The following EML6 variants were observed in gnomAD, a reference collection of about 807,000 sequenced individuals.
The protein encoded by EML6 is echinoderm microtubule-associated protein-like 6.
A neutral mutation model predicts 240.1 loss-of-function variants in EML6; 154 were observed. The ratio of observed to expected loss-of-function variants is 0.64; its 90% confidence interval spans 0.56 to 0.73. The LOEUF (loss-of-function observed/expected upper bound fraction) is 0.73. Ranked by LOEUF, EML6 falls within the 30% of genes least tolerant of loss-of-function variation. EML6 has a pLI of 0.00. For synonymous variants in EML6, 1,148 were observed against 899.0 expected (o/e 1.28, Z -4.95); for missense variants, 2,964 against 2,474.6 (o/e 1.20, Z -4.20).
At chr2:54,779,751 A>G (rs747011969) in intron 2 of EML6, among the ~76,000 whole-genome samples, 2 of 151,116 alleles carry the variant, frequency 1.3e-5, no homozygotes, top group Non-Finnish European at 2.9e-5. Context: ...AGTCACAGCT[A>G]CTTGGAAGGC....
intron 26 of EML6, among the ~76,000 whole-genome samples, chr2:54,925,419 C>CT (rs1207727870): frequency 6.6e-6 from 1 of 152,196 alleles, no homozygotes; most frequent in Non-Finnish European, 1.5e-5. Context: ...GCATTGAGTT[C>CT]TATGTCATCA....
At chr2:54,852,479 C>G (rs1670144907) in intron 10 of EML6, among the ~76,000 whole-genome samples, 1 of 152,108 alleles carries the variant, frequency 6.6e-6, no homozygotes, top group African/African-American at 2.4e-5. Context: ...TTTACTTCAT[C>G]ACTGTCTTAT....
intron 17 of EML6, chr2:54,882,873 AAG>A (rs1553406055): frequency 2.7e-5 from 3 of 112,358 alleles, no homozygotes; most frequent in African/African-American, 7.0e-5. Context: ...AAAAAAAAAA[AAG>A]AAAGCTTAGG....
chr2:54,952,711 G>T lies in EML6; in HGVS notation c.4312+19G>T. On this transcript the variant is annotated intron_variant, in intron 31 of 41. Coordinates refer to ENST00000356458, the MANE Select transcript of EML6 (RefSeq NM_001039753.4). ...CAGATAGGTAGGAGGTCCTGTGGCA[G>T]CTGAGGCTCTCCCAGCTTGCAGGGA... 6.6e-7 allele frequency: 1 copy of T among 1,515,810 alleles called. No individual in the cohort carries two copies. The allele number at this position is 1,515,810 out of a possible 1,614,324, so 93.9% of individuals were successfully genotyped here. A position where few individuals can be genotyped will look rare whatever the true frequency, so the allele number is the denominator to read the frequency against.
intron 2 of EML6, among the ~76,000 whole-genome samples, chr2:54,789,579 G>T (rs1260628664): frequency 2.7e-5 from 4 of 147,900 alleles, no homozygotes; most frequent in African/African-American, 9.9e-5. Flanking sequence ...AAGTAGACAT[G>T]GGTGGGACGT....
chr2:54,959,008 C>T (rs941000897), intron 33 of EML6, 96 bp from the exon 34 acceptor site: 3 of 1,171,250 alleles, frequency 2.6e-6, no homozygotes, highest in Non-Finnish European at 3.5e-6. Flanking sequence ...AGGCTGTCTG[C>T]ATCTCTAGCT....
At chr2:54,937,092 C>G (rs2104428746) in intron 28 of EML6, among the ~76,000 whole-genome samples, 1 of 151,022 alleles carries the variant, frequency 6.6e-6, no homozygotes, top group Non-Finnish European at 1.5e-5. Flanking sequence ...CGTGCCTGAC[C>G]AACGTGGAAA....
rs1437251446 is a variant in EML6, at chr2:54,813,399, TC to T, written c.357+9del. 6.5e-7 allele frequency: 1 copy of T among 1,549,150 alleles called. No individual in the cohort carries two copies. Among genetic ancestry groups the T allele is most frequent in the East Asian group, 2.4e-5 (1 of 40,908 alleles). On this transcript the variant is annotated intron_variant, in intron 3 of 41. Transcript: ENST00000356458. Reference sequence around the variant, plus strand: ...TTTGACTCAGATGGACAGGTGTGTATCTTTTTTTAGTTGTTTTATTTAATGA... The same window carrying T: ...TTTGACTCAGATGGACAGGTGTGTATTTTTTTTAGTTGTTTTATTTAATGA...
intron 29 of EML6, 51 bp from the exon 30 acceptor site, chr2:54,950,599 C>G: frequency 5.2e-6 from 8 of 1,544,698 alleles, no homozygotes; most frequent in Non-Finnish European, 7.0e-6. Context: ...TGTTCCTCGG[C>G]TCTCCCTTCC....
intron 2 of EML6, among the ~76,000 whole-genome samples, chr2:54,734,668 G>A (rs1683318151): frequency 6.6e-6 from 1 of 152,102 alleles, no homozygotes; most frequent in African/African-American, 2.4e-5. Flanking sequence ...TGGGGATGAG[G>A]GACAGCTGTT....
intron 2 of EML6, among the ~76,000 whole-genome samples, chr2:54,807,470 C>G (rs1488735170): frequency 6.6e-6 from 1 of 152,122 alleles, no homozygotes; most frequent in Non-Finnish European, 1.5e-5. Flanking sequence ...TCTCTTAAGT[C>G]TAGACAATCA....
At chr2:54,761,038 C>A (rs1354421159) in intron 2 of EML6, among the ~76,000 whole-genome samples, 1 of 152,066 alleles carries the variant, frequency 6.6e-6, no homozygotes, top group Admixed American at 6.6e-5. Context: ...AATCCCAAGG[C>A]ATTTGAGAAA....
At chr2:54,892,416 G>C (rs1672519401) in intron 18 of EML6, 38 bp from the exon 19 acceptor site, 4 of 1,453,660 alleles carry the variant, frequency 2.8e-6, no homozygotes, top group Non-Finnish European at 3.8e-6. Flanking sequence ...GGAAGTGCCA[G>C]ATTTTATAAA....
intron 2 of EML6, among the ~76,000 whole-genome samples, chr2:54,798,732 T>G (rs1669953055): frequency 6.6e-6 from 1 of 152,212 alleles, no homozygotes; most frequent in Non-Finnish European, 1.5e-5. Context: ...ATATCATCTG[T>G]GAGTAGACAG....
rs57639955 is a variant in EML6, at chr2:54,785,170, CTTTTTTTTTTTT to C, written c.198-28050_198-28039del. ...AGATTTCCACCCCCCCACACACACA[CTTTTTTTTTTTT>C]TTTTTTTTTTTAAGACGGAGTCTCA... On this transcript the variant is annotated intron_variant, in intron 2 of 41. Transcript: ENST00000356458. 9.7e-5 allele frequency among the ~76,000 whole-genome samples: 10 copies of C among 102,618 alleles called. No individual in the cohort carries two copies. In the Admixed American group the frequency reaches 9.9e-4, roughly 10 times the overall value. 67.3% of individuals were successfully genotyped at this position (102,618 alleles called of 152,430 possible).
At chr2:54,811,889 C>T (rs1667865457) in intron 2 of EML6, among the ~76,000 whole-genome samples, 1 of 152,192 alleles carries the variant, frequency 6.6e-6, no homozygotes, top group Non-Finnish European at 1.5e-5. Flanking sequence ...AAGCTTATAG[C>T]ATTCACCTGT....
At chr2:54,916,185 T>C (rs965419769) in intron 25 of EML6, among the ~76,000 whole-genome samples, 1 of 152,250 alleles carries the variant, frequency 6.6e-6, no homozygotes, top group Non-Finnish European at 1.5e-5. Flanking sequence ...CAGTCATGTT[T>C]TTTAAAGTTG....
rs1369790365 is a variant in EML6 at position 54,971,616 on chromosome 2, C to CATCA, written c.*1525_*1528dup. The CATCA allele has an allele frequency of 2.0e-5, 3 of 152,194 alleles. No individual in the cohort carries two copies. Among genetic ancestry groups the CATCA allele is most frequent in the Admixed American group, 1.3e-4 (2 of 15,292 alleles). 9.4% of individuals were successfully genotyped at this position (152,194 alleles called of 1,614,324 possible). A position where few individuals can be genotyped will look rare whatever the true frequency, so the allele number is the denominator to read the frequency against. ...TATATGCCAATTTACTAATGCCTTA[C>CATCA]ATCAATCCACTAATAGGTTGTTGGG... On this transcript the variant is annotated 3_prime_UTR_variant, in exon 42 of 42. Transcript: ENST00000356458.
rs1391322426 is a variant in EML6, at chr2:54,916,907, T to G, written c.3647T>G (p.Phe1216Cys). ...SLLATGDDFG[F>C]VKLFSYPVKG... ...TTAGCCACCGGAGATGATTTTGGTT[T>G]CGTTAAGCTTTTTTCATATCCTGTC... The change falls in exon 26 of 42, where the codon TTC (phenylalanine) becomes TGC (cysteine). Residue 1216 changes from phenylalanine to cysteine, a missense_variant. Transcript: ENST00000356458. The G allele has an allele frequency of 6.5e-7, 1 of 1,547,972 alleles. No homozygotes were observed. Among genetic ancestry groups the G allele is most frequent in the East Asian group, 2.5e-5 (1 of 40,788 alleles).
Sources: allele counts gnomAD v4.1 joint callset (sites outside exome capture counted in the v4.1 genomes callset), GRCh38; gene constraint gnomAD v4.1.1; transcripts MANE v1.5; gene names NCBI Gene and HGNC (gene_info 2026-07-23, HGNC 2026-07-21).